ST6GALNAC3: variants seen among roughly 807,000 people sequenced by gnomAD.
ST6GALNAC3 encodes the protein ST6 N-acetylgalactosaminide alpha-2,6-sialyltransferase 3.
In ST6GALNAC3, 25 loss-of-function variants were observed where a neutral mutation model predicts 32.7. That is an observed-to-expected ratio of 0.76 (90% CI 0.56 to 1.07). ST6GALNAC3 has a LOEUF of 1.07. Ranked by LOEUF, ST6GALNAC3 falls within the 50% of genes least tolerant of loss-of-function variation. The pLI is 0.00. For synonymous variants in ST6GALNAC3, 129 were observed against 133.1 expected (o/e 0.97, Z 0.21); for missense variants, 355 against 382.4 (o/e 0.93, Z 0.60).
At chr1:76,537,690 C>A (rs930507666) in intron 3 of ST6GALNAC3, among the ~76,000 whole-genome samples, 4 of 152,084 alleles carry the variant, frequency 2.6e-5, no homozygotes, top group Non-Finnish European at 1.5e-5. Context: ...GAGGATGTCA[C>A]CACTGATCCC....
chr1:76,210,042 C>T lies in ST6GALNAC3; in HGVS notation c.19-103763C>T, dbSNP rs999829149. Reference sequence around the variant, plus strand: ...ACAGGTCCACTTGAAATTAGAGCTGCGTTTTTTTTTTTCTTTTCTTTTTTT... The same window carrying T: ...ACAGGTCCACTTGAAATTAGAGCTGTGTTTTTTTTTTTCTTTTCTTTTTTT... On this transcript the variant is annotated intron_variant, in intron 1 of 4. Coordinates refer to ENST00000328299, the MANE Select transcript of ST6GALNAC3 (RefSeq NM_152996.4). 1.6e-4 allele frequency among the ~76,000 whole-genome samples: 9 copies of T among 54,680 alleles called. 1 individual carries two copies. Among genetic ancestry groups the T allele is most frequent in the Non-Finnish European group, 2.8e-4 (4 of 14,216 alleles). 35.9% of individuals were successfully genotyped at this position (54,680 alleles called of 152,430 possible).
chr1:76,079,101 T>G (rs1162130569), intron 1 of ST6GALNAC3, among the ~76,000 whole-genome samples: 1 of 152,180 alleles, frequency 6.6e-6, no homozygotes, highest in African/African-American at 2.4e-5. Context: ...TCTCTTTTCA[T>G]TAAGCAGCTC....
chr1:76,351,760 C>T (rs1648996024), intron 2 of ST6GALNAC3, among the ~76,000 whole-genome samples: 1 of 152,160 alleles, frequency 6.6e-6, no homozygotes, highest in African/African-American at 2.4e-5. Context: ...TAGTAGTACT[C>T]TCTTTCCTCC....
intron 1 of ST6GALNAC3, among the ~76,000 whole-genome samples, chr1:76,203,287 C>G (rs986685749): frequency 6.6e-6 from 1 of 152,116 alleles, no homozygotes; most frequent in Non-Finnish European, 1.5e-5. Flanking sequence ...TTGTAGAGCT[C>G]CCTCCTCACC....
chr1:76,347,115 T>G (rs944881423), intron 2 of ST6GALNAC3, among the ~76,000 whole-genome samples: 3 of 152,174 alleles, frequency 2.0e-5, no homozygotes, highest in African/African-American at 4.8e-5. Flanking sequence ...TAATTTTGTT[T>G]GGCTTAAAAT....
At chr1:76,186,055 C>A (rs1476600127) in intron 1 of ST6GALNAC3, among the ~76,000 whole-genome samples, 1 of 152,146 alleles carries the variant, frequency 6.6e-6, no homozygotes, top group East Asian at 1.9e-4. Flanking sequence ...GTCCTGGTAC[C>A]AATCCTCCAC....
chr1:76,235,757 A>G (rs970457335), intron 1 of ST6GALNAC3, among the ~76,000 whole-genome samples: 10 of 146,452 alleles, frequency 6.8e-5, no homozygotes, highest in Admixed American at 5.5e-4. Flanking sequence ...AATTCTACAG[A>G]CTAGGCATCC....
intron 1 of ST6GALNAC3, among the ~76,000 whole-genome samples, chr1:76,256,381 A>C (rs1225619245): frequency 2.0e-5 from 3 of 152,130 alleles, no homozygotes; most frequent in Admixed American, 2.0e-4. Context: ...AGACACTGAA[A>C]CTCAGAGGCA....
chr1:76,627,636 CATAA>C (rs1328197057), intron 4 of ST6GALNAC3, 77 bp downstream of exon 4: 7 of 1,082,206 alleles, frequency 6.5e-6, no homozygotes, highest in Non-Finnish European at 9.9e-6. Context: ...ATTTTAATAC[CATAA>C]ATCTGAGAAA....
chr1:76,530,708 A>G (rs1446788089), intron 3 of ST6GALNAC3, among the ~76,000 whole-genome samples: 1 of 152,162 alleles, frequency 6.6e-6, no homozygotes, highest in African/African-American at 2.4e-5. Flanking sequence ...AACTTAAAGG[A>G]TCCTTACAAA....
chr1:76,177,168 G>T (rs1434239959), intron 1 of ST6GALNAC3, among the ~76,000 whole-genome samples: 4 of 152,074 alleles, frequency 2.6e-5, no homozygotes, highest in Admixed American at 1.3e-4. Context: ...AGTTAAATTG[G>T]AAACAAAAGT....
chr1:76,206,191 G>T (rs1654812601), intron 1 of ST6GALNAC3, among the ~76,000 whole-genome samples: 1 of 152,182 alleles, frequency 6.6e-6, no homozygotes, highest in South Asian at 2.1e-4. Flanking sequence ...ATATTTTGAA[G>T]TACAGGGAAC....
At chr1:76,093,012 C>G (rs557021345) in intron 1 of ST6GALNAC3, among the ~76,000 whole-genome samples, 1 of 152,280 alleles carries the variant, frequency 6.6e-6, no homozygotes, top group East Asian at 1.9e-4. Flanking sequence ...CTGTTGAATT[C>G]TAAAGATTCA....
intron 1 of ST6GALNAC3, among the ~76,000 whole-genome samples, chr1:76,295,048 G>A (rs371834149): frequency 6.6e-5 from 10 of 151,958 alleles, no homozygotes; most frequent in Admixed American, 3.9e-4. Context: ...TCCATGCTGG[G>A]CAAAGGAAGA....
intron 3 of ST6GALNAC3, among the ~76,000 whole-genome samples, chr1:76,608,597 A>ATGTGTG (rs60960904): frequency 0.011 from 1,437 of 135,214 alleles, 16 homozygotes; most frequent in Non-Finnish European, 0.016. Context: ...TGAGCTGGAA[A>ATGTGTG]TGTGTGTGTG....
chr1:76,416,862 G>C (rs368801416), intron 3 of ST6GALNAC3, among the ~76,000 whole-genome samples: 1 of 151,916 alleles, frequency 6.6e-6, no homozygotes, highest in Non-Finnish European at 1.5e-5. Context: ...TCCTGACCCC[G>C]TGAGCCATCT....
intron 3 of ST6GALNAC3, among the ~76,000 whole-genome samples, chr1:76,590,698 A>G (rs920683379): frequency 2.6e-5 from 4 of 152,236 alleles, no homozygotes; most frequent in Admixed American, 2.6e-4. Context: ...AATTTTTAAA[A>G]TAGCTCTAAA....
intron 1 of ST6GALNAC3, among the ~76,000 whole-genome samples, chr1:76,086,992 T>C (rs530400429): frequency 1.3e-5 from 2 of 152,328 alleles, no homozygotes; most frequent in South Asian, 4.1e-4. Context: ...ATGTGCTGCC[T>C]TATTTATTTT....
intron 3 of ST6GALNAC3, among the ~76,000 whole-genome samples, chr1:76,479,330 C>G (rs1659574250): frequency 6.6e-6 from 1 of 152,168 alleles, no homozygotes. Context: ...ACCTCTCAGC[C>G]TGTAAAGATT....
Sources: allele counts gnomAD v4.1 joint callset (sites outside exome capture counted in the v4.1 genomes callset), GRCh38; gene constraint gnomAD v4.1.1; transcripts MANE v1.5; gene names NCBI Gene and HGNC (gene_info 2026-07-23, HGNC 2026-07-21).